TOP6BL: variants seen among roughly 807,000 people sequenced by gnomAD.
The protein encoded by TOP6BL is TOP6B like initiator of meiotic double strand breaks.
chr11:66,821,668 T>C, the TOP6BL span: 1 of 1,610,686 alleles, frequency 6.2e-7, no homozygotes, highest in Admixed American at 1.7e-5. Flanking sequence ...TCACAACTCA[T>C]CTCAATGCCA....
the TOP6BL span, chr11:66,744,816 A>AGGGGGCGGGGGCGGCGGCGGC: frequency 1.1e-6 from 1 of 946,398 alleles, no homozygotes; most frequent in Non-Finnish European, 1.4e-6. Flanking sequence ...CGGGCTGAGG[A>AGGGGGCGGGGGCGGCGGCGGC]GGGGGCGGCG....
the TOP6BL span, chr11:66,843,057 A>C: frequency 2.6e-6 from 4 of 1,567,352 alleles, no homozygotes; most frequent in South Asian, 4.6e-5. Context: ...CGAGCCTCGG[A>C]AGCCGCCTGG....
chr11:66,793,468 CAG>C, the TOP6BL span, among the ~76,000 whole-genome samples: 1 of 106,910 alleles, frequency 9.4e-6, no homozygotes, highest in African/African-American at 3.5e-5. Flanking sequence ...TTTTTTTAGA[CAG>C]AGTCTTTCTC....
At chr11:66,839,119 A>G in the TOP6BL span, 7 of 456,192 alleles carry the variant, frequency 1.5e-5, no homozygotes, top group African/African-American at 1.0e-4. Context: ...TTCTCCATAC[A>G]TGTCTCCTGC....
At chr11:66,815,377 A>T in the TOP6BL span, among the ~76,000 whole-genome samples, 2 of 152,178 alleles carry the variant, frequency 1.3e-5, no homozygotes, top group Non-Finnish European at 1.5e-5. Context: ...CTCTACATGG[A>T]TCTGAAATAT....
At chr11:66,825,201 G>A in the TOP6BL span, among the ~76,000 whole-genome samples, 4 of 151,298 alleles carry the variant, frequency 2.6e-5, no homozygotes, top group Non-Finnish European at 4.4e-5. Flanking sequence ...CAGGCCGGGC[G>A]TGGTGGCTCA....
chr11:66,800,972 C>A, the TOP6BL span: 1 of 1,576,650 alleles, frequency 6.3e-7, no homozygotes, highest in South Asian at 1.1e-5. Context: ...AAATTTATGT[C>A]AAACAGAGAT....
chr11:66,774,981 C>T, the TOP6BL span, among the ~76,000 whole-genome samples: 1 of 151,474 alleles, frequency 6.6e-6, no homozygotes, highest in East Asian at 2.0e-4. Flanking sequence ...GGCATGGTGG[C>T]GGGCGCCTGT....
At chr11:66,814,779 TAGAA>T in the TOP6BL span, among the ~76,000 whole-genome samples, 1 of 152,140 alleles carries the variant, frequency 6.6e-6, no homozygotes, top group African/African-American at 2.4e-5. Context: ...TAAAATTCCT[TAGAA>T]AAAGTTAAAA....
chr11:66,779,501 G>A, the TOP6BL span, among the ~76,000 whole-genome samples: 1 of 152,158 alleles, frequency 6.6e-6, no homozygotes, highest in African/African-American at 2.4e-5. Flanking sequence ...TCATTAAAAA[G>A]TCAAGAAACA....
At chr11:66,761,341 A>C in the TOP6BL span, among the ~76,000 whole-genome samples, 3 of 152,132 alleles carry the variant, frequency 2.0e-5, no homozygotes, top group Non-Finnish European at 4.4e-5. Context: ...ACTGCACAAC[A>C]GCCTGGGCGA....
chr11:66,769,775 C>A, the TOP6BL span, among the ~76,000 whole-genome samples: 29 of 151,954 alleles, frequency 1.9e-4, no homozygotes, highest in African/African-American at 7.0e-4. Context: ...GAGTCTCACT[C>A]TGTCGCCCAG....
At chr11:66,812,194 T>TTTTTTTTTTTTTTAG in the TOP6BL span, among the ~76,000 whole-genome samples, 1 of 151,072 alleles carries the variant, frequency 6.6e-6, no homozygotes, top group Non-Finnish European at 1.5e-5. Flanking sequence ...TCTTTTTTTT[T>TTTTTTTTTTTTTTAG]GAGACGGAGT....
At chr11:66,746,521 C>G in the TOP6BL span, among the ~76,000 whole-genome samples, 1 of 152,080 alleles carries the variant, frequency 6.6e-6, no homozygotes, top group Non-Finnish European at 1.5e-5. Context: ...TCAAGACCAG[C>G]CTGATCAAAA....
the TOP6BL span, among the ~76,000 whole-genome samples, chr11:66,752,947 G>A: frequency 1.3e-5 from 2 of 152,008 alleles, no homozygotes; most frequent in East Asian, 2.0e-4. Context: ...TGGGCGACAC[G>A]GTGAAACCCC....
chr11:66,814,561 C>G, the TOP6BL span, among the ~76,000 whole-genome samples: 2 of 152,088 alleles, frequency 1.3e-5, no homozygotes, highest in African/African-American at 2.4e-5. Context: ...CCGCACCCGG[C>G]CTGGCATTGC....
chr11:66,817,609 T>C, the TOP6BL span, among the ~76,000 whole-genome samples: 9 of 152,144 alleles, frequency 5.9e-5, no homozygotes, highest in Admixed American at 5.9e-4. Flanking sequence ...TGGCTAATTT[T>C]TGTATTTTTA....
chr11:66,762,273 G>T, the TOP6BL span: 26 of 493,834 alleles, frequency 5.3e-5, no homozygotes, highest in East Asian at 1.0e-3. Flanking sequence ...TGAGCAGCCT[G>T]AAGGGCGGGC....
the TOP6BL span, among the ~76,000 whole-genome samples, chr11:66,796,860 GTT>G: frequency 7.2e-6 from 1 of 138,378 alleles, no homozygotes; most frequent in African/African-American, 2.6e-5. Context: ...TAAGACAGTT[GTT>G]TTTTTTTTTT....
Sources: gnomAD v4.1 joint callset for allele counts (sites outside exome capture counted in the v4.1 genomes callset) on GRCh38, gnomAD v4.1.1 for gene constraint, MANE v1.5 for transcripts, NCBI Gene and HGNC (gene_info 2026-07-23, HGNC 2026-07-21) for gene names.